Variants in GRXCR1 observed in about 807,000 individuals in gnomAD.
GRXCR1 encodes the protein glutaredoxin and cysteine rich domain containing 1.
GRXCR1 carries 27 observed loss-of-function variants against 27.3 expected under a neutral mutation model. The observed-to-expected ratio is 0.99, with a 90% CI of 0.73 to 1.37. The LOEUF (loss-of-function observed/expected upper bound fraction) is 1.37, where lower values mean the gene tolerates loss of function less well. Among genes scored for constraint, GRXCR1 ranks in the 40% most tolerant of loss-of-function variants. The pLI, the probability that GRXCR1 is intolerant of heterozygous loss-of-function variation, is 0.00. For missense variants in GRXCR1, 379 were observed against 354.4 expected (o/e 1.07, Z -0.56); for synonymous variants, 122 against 131.1 (o/e 0.93, Z 0.47).
intron 2 of GRXCR1, among the ~76,000 whole-genome samples, chr4:42,980,709 T>A (rs1577930044): frequency 6.6e-6 from 1 of 152,092 alleles, no homozygotes; most frequent in Non-Finnish European, 1.5e-5. Flanking sequence ...CTGGATAATC[T>A]GTCTATTGTT....
At chr4:42,923,705 A>G (rs1384175607) in intron 1 of GRXCR1, among the ~76,000 whole-genome samples, 1 of 152,034 alleles carries the variant, frequency 6.6e-6, no homozygotes, top group African/African-American at 2.4e-5. Context: ...GTATTCCCAC[A>G]AAAACCAAAT....
chr4:42,939,992 A>T (rs940167379), intron 1 of GRXCR1, among the ~76,000 whole-genome samples: 27 of 151,806 alleles, frequency 1.8e-4, no homozygotes, highest in Admixed American at 1.3e-3. Flanking sequence ...CTTAATTGAG[A>T]TAATGCTCTG....
intron 2 of GRXCR1, among the ~76,000 whole-genome samples, chr4:43,012,677 C>T (rs1006418077): frequency 6.6e-6 from 1 of 152,040 alleles, no homozygotes; most frequent in Non-Finnish European, 1.5e-5. Context: ...CATTATTATA[C>T]CCATTTTACA....
At chr4:42,918,068 C>T (rs1435161344) in intron 1 of GRXCR1, among the ~76,000 whole-genome samples, 3 of 152,006 alleles carry the variant, frequency 2.0e-5, no homozygotes, top group Non-Finnish European at 4.4e-5. Flanking sequence ...AGAATAAATA[C>T]TCTTGGTGTT....
At chr4:42,966,099 T>TG (rs566887043) in intron 2 of GRXCR1, among the ~76,000 whole-genome samples, 10 of 152,052 alleles carry the variant, frequency 6.6e-5, no homozygotes, top group Admixed American at 4.6e-4. Context: ...TACTCCACAG[T>TG]GGGGGGCAGG....
rs745784596 is a variant in GRXCR1 at position 42,990,173 on chromosome 4, C to CTTTTTTTTTTTTTTTTTTT, written c.627+27057_627+27075dup. On this transcript the variant is annotated intron_variant, in intron 2 of 3. Transcript: ENST00000399770. ...AACTTCTTGAATTGAATTATTAGTT[C>CTTTTTTTTTTTTTTTTTTT]TTTTTTTTTTTTTTTTTTTTTTTTT... 4.8e-4 allele frequency among the ~76,000 whole-genome samples: 22 copies of CTTTTTTTTTTTTTTTTTTT among 46,230 alleles called. 9 individuals are homozygous for CTTTTTTTTTTTTTTTTTTT. The highest frequency in any genetic ancestry group is 0.036 in the Middle Eastern group (2 of 56). The allele number at this position is 46,230 out of a possible 152,430, so 30.3% of individuals were successfully genotyped here.
chr4:43,020,228 A>C, intron 2 of GRXCR1, 126 bp from the exon 3 acceptor site: 2 of 715,458 alleles, frequency 2.8e-6, no homozygotes, highest in Non-Finnish European at 5.1e-6. Flanking sequence ...CTAGTTGTAC[A>C]TTTACTCAGC....
At chr4:42,917,235 T>C (rs1432646201) in intron 1 of GRXCR1, among the ~76,000 whole-genome samples, 1 of 152,144 alleles carries the variant, frequency 6.6e-6, no homozygotes, top group African/African-American at 2.4e-5. Context: ...TCTAATCTGA[T>C]TTTATTGCTG....
chr4:42,956,130 C>T (rs1323198759), intron 1 of GRXCR1, among the ~76,000 whole-genome samples: 3 of 152,084 alleles, frequency 2.0e-5, no homozygotes, highest in Admixed American at 2.0e-4. Flanking sequence ...TAATTTCCAT[C>T]CCTTTCCAAC....
chr4:43,001,137 G>A (rs1380308093), intron 2 of GRXCR1, among the ~76,000 whole-genome samples: 1 of 149,604 alleles, frequency 6.7e-6, no homozygotes, highest in African/African-American at 2.5e-5. Flanking sequence ...GTTTCACCAT[G>A]TCAACTTCTA....
intron 1 of GRXCR1, among the ~76,000 whole-genome samples, chr4:42,903,351 A>C (rs1474530983): frequency 9.5e-6 from 1 of 105,270 alleles, no homozygotes; most frequent in African/African-American, 3.6e-5. Flanking sequence ...GGAGTCTCTC[A>C]CCCAGGCTGG....
chr4:42,998,583 T>C (rs1337147105), intron 2 of GRXCR1, among the ~76,000 whole-genome samples: 3 of 152,256 alleles, frequency 2.0e-5, no homozygotes, highest in African/African-American at 7.2e-5. Flanking sequence ...AAATGTCTGT[T>C]TGTGGTTCTT....
intron 2 of GRXCR1, among the ~76,000 whole-genome samples, chr4:43,010,470 A>C (rs1013792599): frequency 2.6e-5 from 4 of 152,106 alleles, no homozygotes; most frequent in African/African-American, 9.7e-5. Flanking sequence ...CTTACTTGCA[A>C]GGGCTTTATC....
At chr4:43,010,169 A>G (rs1449596943) in intron 2 of GRXCR1, among the ~76,000 whole-genome samples, 1 of 152,194 alleles carries the variant, frequency 6.6e-6, no homozygotes, top group Non-Finnish European at 1.5e-5. Flanking sequence ...TGGGAGGCCA[A>G]GATGGGTGGA....
chr4:43,010,173 G>A lies in GRXCR1; in HGVS notation c.628-10181G>A, dbSNP rs1386079004. 3.3e-5 allele frequency among the ~76,000 whole-genome samples: 5 copies of A among 152,092 alleles called. No individual in the cohort carries two copies. The East Asian group carries it at 9.6e-4, about 29-fold the overall frequency. On this transcript the variant is annotated intron_variant, in intron 2 of 3. Transcript: ENST00000399770. ...TCCCAGCACTTTGGGAGGCCAAGATGGGTGGATCACCTGAGGTCAGGACTT... is the reference window on the plus strand; with the variant it reads ...TCCCAGCACTTTGGGAGGCCAAGATAGGTGGATCACCTGAGGTCAGGACTT...
intron 1 of GRXCR1, 62 bp from the exon 2 acceptor site, chr4:42,962,830 A>G (rs990292000): frequency 1.3e-6 from 2 of 1,599,482 alleles, no homozygotes; most frequent in African/African-American, 2.7e-5. Context: ...TAATTGTCTT[A>G]AAATCATAAG....
intron 2 of GRXCR1, among the ~76,000 whole-genome samples, chr4:42,981,087 G>C (rs181406029): frequency 6.7e-6 from 1 of 150,350 alleles, no homozygotes; most frequent in African/African-American, 2.4e-5. Flanking sequence ...TTATTTTATA[G>C]ATCTTTTCTC....
chr4:42,987,995 C>T (rs1008110813), intron 2 of GRXCR1, among the ~76,000 whole-genome samples: 1 of 152,206 alleles, frequency 6.6e-6, no homozygotes. Flanking sequence ...CCTTGCTCTT[C>T]TCATTGGGGT....
chr4:42,922,791 C>T (rs950624298), intron 1 of GRXCR1, among the ~76,000 whole-genome samples: 3 of 151,998 alleles, frequency 2.0e-5, no homozygotes, highest in Admixed American at 6.6e-5. Context: ...CCCTTCATGG[C>T]CTTTTGCTGC....
Sources: allele counts gnomAD v4.1 joint callset (sites outside exome capture counted in the v4.1 genomes callset), GRCh38; gene constraint gnomAD v4.1.1; transcripts MANE v1.5; gene names NCBI Gene and HGNC (gene_info 2026-07-23, HGNC 2026-07-21).